Variants in TTC6 observed in about 807,000 individuals in gnomAD.
TTC6 encodes the protein tetratricopeptide repeat domain 6, also known as tetratricopeptide repeat protein 6.
A neutral mutation model predicts 210.4 loss-of-function variants in TTC6; 172 were observed. The observed-to-expected ratio is 0.82, with a 90% CI of 0.72 to 0.93. TTC6 has a LOEUF of 0.93. Among genes scored for constraint, TTC6 ranks in the 40% least tolerant of loss-of-function variants. TTC6 has a pLI of 0.00. For missense variants in TTC6, 2,414 were observed against 2,318.1 expected (o/e 1.04, Z -0.85); for synonymous variants, 804 against 819.6 (o/e 0.98, Z 0.32).
At chr14:37,800,118 A>G (rs907560770) in intron 20 of TTC6, among the ~76,000 whole-genome samples, 1 of 152,182 alleles carries the variant, frequency 6.6e-6, no homozygotes, top group Non-Finnish European at 1.5e-5. Context: ...GGCTGAAAGA[A>G]TTTTGAGGAA....
At chr14:37,647,445 G>A (rs368137498) in intron 1 of TTC6, among the ~76,000 whole-genome samples, 3 of 152,180 alleles carry the variant, frequency 2.0e-5, no homozygotes, top group Admixed American at 6.5e-5. Flanking sequence ...GGTTGCTTAT[G>A]GTTTGTATGT....
intron 26 of TTC6, among the ~76,000 whole-genome samples, chr14:37,821,656 C>T (rs2096157463): frequency 6.6e-6 from 1 of 151,270 alleles, no homozygotes; most frequent in Non-Finnish European, 1.5e-5. Flanking sequence ...CCTGGACAAG[C>T]ATTAAAAAAA....
chr14:37,819,039 A>T (rs950233351), intron 26 of TTC6, among the ~76,000 whole-genome samples: 1 of 152,194 alleles, frequency 6.6e-6, no homozygotes, highest in African/African-American at 2.4e-5. Context: ...ATCACTGGGT[A>T]TATACAGGAG....
intron 1 of TTC6, among the ~76,000 whole-genome samples, chr14:37,664,408 T>A (rs1268761952): frequency 6.6e-6 from 1 of 150,738 alleles, no homozygotes; most frequent in African/African-American, 2.4e-5. Context: ...GAGAAAAGAA[T>A]CCCTATTTAA....
At chr14:37,706,768 A>C (rs902063979) in intron 5 of TTC6, among the ~76,000 whole-genome samples, 2 of 151,566 alleles carry the variant, frequency 1.3e-5, no homozygotes, top group Non-Finnish European at 3.0e-5. Flanking sequence ...CTTAACCCAT[A>C]AAAGTGAAAA....
At chr14:37,754,647 G>A (rs2095962182) in intron 14 of TTC6, among the ~76,000 whole-genome samples, 1 of 152,008 alleles carries the variant, frequency 6.6e-6, no homozygotes, top group Non-Finnish European at 1.5e-5. Context: ...TGGCCAGGCT[G>A]GTCTCAGACT....
At chr14:37,803,394 G>A (rs1010958201) in intron 20 of TTC6, among the ~76,000 whole-genome samples, 1 of 152,174 alleles carries the variant, frequency 6.6e-6, no homozygotes, top group African/African-American at 2.4e-5. Context: ...TATCCACACA[G>A]CAGCCACAGT....
intron 1 of TTC6, among the ~76,000 whole-genome samples, chr14:37,639,354 AC>A (rs1195879298): frequency 6.6e-6 from 1 of 152,140 alleles, no homozygotes; most frequent in Non-Finnish European, 1.5e-5. Flanking sequence ...AACTACAGAC[AC>A]TTTTATTACA....
Position 37,725,336 on chromosome 14 carries a change from A to G in TTC6, c.1818+334A>G, listed in dbSNP as rs1342967518. On this transcript the variant is annotated intron_variant, in intron 7 of 30. Transcript: ENST00000553443. ...TGTATATATATATATATATATATAT[A>G]TATATATATATATATATATATAATT... 1.4e-4 allele frequency among the ~76,000 whole-genome samples: 14 copies of G among 98,936 alleles called. No individual in the cohort carries two copies. The East Asian group carries it at 2.1e-3, about 15-fold the overall frequency. The allele number at this position is 98,936 out of a possible 152,430, so 64.9% of individuals were successfully genotyped here. A position where few individuals can be genotyped will look rare whatever the true frequency, so the allele number is the denominator to read the frequency against.
At position 37,598,002 on chromosome 14, in the gene TTC6, A is replaced by T. The variant is rs367690389; in HGVS notation, c.-235+1994A>T. Reference sequence around the variant, plus strand: ...TCACTTTCCCTGAGGTTTAAAAGCGAATCAGCAGGGTCGTGTTGGGTCTTT... The same window carrying T: ...TCACTTTCCCTGAGGTTTAAAAGCGTATCAGCAGGGTCGTGTTGGGTCTTT... On this transcript the variant is annotated intron_variant, in intron 1 of 2. Transcript: ENST00000556845. This position sits in a 1 kb window ranked among gnomAD's most constrained non-coding sequence, Gnocchi z 4.9. Among the ~76,000 whole-genome samples, 1 of 152,334 alleles carries T rather than the reference A, an allele frequency of 6.6e-6. No homozygotes were observed. Among genetic ancestry groups the T allele is most frequent in the South Asian group, 2.1e-4 (1 of 4,822 alleles).
chr14:37,623,374 G>A (rs1313159711), intron 1 of TTC6, among the ~76,000 whole-genome samples: 2 of 152,172 alleles, frequency 1.3e-5, no homozygotes, highest in East Asian at 1.9e-4. Flanking sequence ...TTCTGTTACA[G>A]TTTAGTATTA....
At chr14:37,611,996 T>A (rs559572567) in intron 2 of TTC6, among the ~76,000 whole-genome samples, 1 of 152,184 alleles carries the variant, frequency 6.6e-6, no homozygotes, top group East Asian at 1.9e-4. Flanking sequence ...CAATAGTTTT[T>A]TTTTTTAACA....
intron 2 of TTC6, among the ~76,000 whole-genome samples, chr14:37,681,697 G>T (rs2095784005): frequency 6.6e-6 from 1 of 152,040 alleles, no homozygotes; most frequent in Non-Finnish European, 1.5e-5. Context: ...TTATACTAGT[G>T]GTTTGCTGGG....
At chr14:37,641,311 T>G (rs2095691377) in intron 1 of TTC6, among the ~76,000 whole-genome samples, 1 of 152,238 alleles carries the variant, frequency 6.6e-6, no homozygotes, top group Non-Finnish European at 1.5e-5. Context: ...TTACAGTGTT[T>G]GTTTTAAAGC....
intron 1 of TTC6, among the ~76,000 whole-genome samples, chr14:37,631,373 C>A (rs1001191920): frequency 1.3e-5 from 2 of 152,060 alleles, no homozygotes; most frequent in Non-Finnish European, 2.9e-5. Flanking sequence ...ACTTATGAAG[C>A]TTAGTTTGGC....
exon 5 of TTC6, chr14:37,701,356 G>T (rs938208242): frequency 4.8e-6 from 7 of 1,452,616 alleles, no homozygotes; most frequent in Middle Eastern, 1.8e-4. Context: ...ACTCCATGCC[G>T]CACCTTCATG....
At chr14:37,748,945 A>T in exon 11 of TTC6, 1 of 1,474,608 alleles carries the variant, frequency 6.8e-7, no homozygotes. Flanking sequence ...CTAGATCAGC[A>T]TCTCATGGAA....
At chr14:37,605,080 G>C (rs374614431) in intron 1 of TTC6, among the ~76,000 whole-genome samples, 3 of 152,250 alleles carry the variant, frequency 2.0e-5, no homozygotes, top group African/African-American at 7.2e-5. Context: ...AGAAAGCTTA[G>C]TGGGATGCTA....
At chr14:37,787,436 A>G in intron 14 of TTC6, 32 bp from the exon 17 acceptor site, 2 of 1,421,012 alleles carry the variant, frequency 1.4e-6, no homozygotes, top group South Asian at 1.4e-5. Flanking sequence ...TATACTTTAC[A>G]GTACTTGTTA....
Sources: gnomAD v4.1 joint callset for allele counts (sites outside exome capture counted in the v4.1 genomes callset) on GRCh38, gnomAD v4.1.1 for gene constraint, Gnocchi (gnomAD v3.1) non-coding constraint, MANE v1.5 for transcripts, NCBI Gene and HGNC (gene_info 2026-07-23, HGNC 2026-07-21) for gene names.